Variants in SULF1 observed in about 807,000 individuals in gnomAD.
SULF1 encodes the protein sulfatase 1.
In SULF1, 46 loss-of-function variants were observed where a neutral mutation model predicts 110.5. The observed-to-expected ratio is 0.42, with a 90% confidence interval of 0.33 to 0.53. SULF1 has a LOEUF of 0.53. Ranked by LOEUF, SULF1 falls within the 20% of genes least tolerant of loss-of-function variation. The probability of loss-of-function intolerance (pLI) is 0.12; values close to 1 mark genes in which losing one functional copy is unlikely to be tolerated. For missense variants in SULF1, 941 were observed against 1,094.2 expected (o/e 0.86, Z 1.98); for synonymous variants, 371 against 387.1 (o/e 0.96, Z 0.49).
At chr8:69,583,273 T>C (rs1259349591) in intron 6 of SULF1, among the ~76,000 whole-genome samples, 7 of 152,032 alleles carry the variant, frequency 4.6e-5, no homozygotes, top group Non-Finnish European at 7.4e-5. Flanking sequence ...TTAAAAAATA[T>C]GATGATTTGA....
intron 3 of SULF1, among the ~76,000 whole-genome samples, chr8:69,528,795 TTTGTTG>T (rs541688520): frequency 4.5e-4 from 68 of 151,756 alleles, no homozygotes; most frequent in African/African-American, 1.5e-3. Context: ...CCACAGTGGG[TTTGTTG>T]TTGTTGTTGT....
chr8:69,643,426 A>AAC (rs1811642317), intron 22 of SULF1, among the ~76,000 whole-genome samples: 1 of 152,222 alleles, frequency 6.6e-6, no homozygotes, highest in South Asian at 2.1e-4. Context: ...AAAAAAAAAA[A>AAC]AACAAGTTTT....
At chr8:69,656,642 G>A (rs1369859805) in intron 22 of SULF1, among the ~76,000 whole-genome samples, 6 of 152,160 alleles carry the variant, frequency 3.9e-5, no homozygotes, top group African/African-American at 1.4e-4. Context: ...TCCCTGAATA[G>A]GAAATGATCT....
chr8:69,501,060 A>G (rs1171359929), intron 2 of SULF1, among the ~76,000 whole-genome samples: 1 of 152,210 alleles, frequency 6.6e-6, no homozygotes, highest in East Asian at 1.9e-4. Flanking sequence ...CCATATGTAT[A>G]CGAAGGTACA....
At chr8:69,493,448 T>TACAC (rs56867664) in intron 1 of SULF1, among the ~76,000 whole-genome samples, 3,153 of 144,306 alleles carry the variant, frequency 0.022, 50 homozygotes, top group African/African-American at 0.035. Flanking sequence ...CACACAACAC[T>TACAC]ACACACACAC....
At position 69,589,160 on chromosome 8, in the gene SULF1, T is replaced by A. The variant is rs1481632361; in HGVS notation, c.734+19T>A. ...AACACATGTAAGTAACAAACTCAACTCTGCGACCTGCCGAACATGCCTTTC... is the reference window on the plus strand; with the variant it reads ...AACACATGTAAGTAACAAACTCAACACTGCGACCTGCCGAACATGCCTTTC... On this transcript the variant is annotated intron_variant, in intron 8 of 22. Transcript: ENST00000402687. 6.2e-7 allele frequency: 1 copy of A among 1,606,924 alleles called. No individual in the cohort carries two copies. The highest frequency in any genetic ancestry group is 1.3e-5 in the African/African-American group (1 of 74,762).
Position 69,576,086 on chromosome 8 carries a change from G to A in SULF1, c.289G>A (p.Gly97Arg). 2.5e-6 allele frequency: 4 copies of A among 1,614,138 alleles called. No homozygotes were observed. The highest frequency in any genetic ancestry group is 3.4e-6 in the Non-Finnish European group (4 of 1,180,022). The change falls in exon 6 of 23, where the codon GGG becomes AGG. Residue 97 changes from glycine to arginine, a missense_variant. Gly to Arg is a moderately radical substitution (Grantham distance 125). Transcript: ENST00000402687. The part of the protein sequence containing the change: ...CCPSRSSMLT[G>R]KYVHNHNVYT... ...CCCGTCACGGTCCTCCATGCTCACC[G>A]GGAAGTATGTGCACAATCACAATGT... is the stretch of plus-strand genomic sequence containing the variant.
At chr8:69,506,341 C>G (rs1811196813) in intron 3 of SULF1, among the ~76,000 whole-genome samples, 1 of 152,168 alleles carries the variant, frequency 6.6e-6, no homozygotes, top group South Asian at 2.1e-4. Flanking sequence ...CTGCACCATC[C>G]TCTTATCCCT....
rs941145216 is a variant in SULF1, at chr8:69,601,945, G to A, written c.1061+116G>A. ...TCATCCAAAACAAAAAAGGATGTGT[G>A]TAGGCTGGTTAATTTCGAAGATGAA... On this transcript the variant is annotated intron_variant, in intron 10 of 22. Coordinates refer to ENST00000402687, the MANE Select transcript of SULF1 (RefSeq NM_001128205.2). 42 of 1,069,124 alleles carry A rather than the reference G, an allele frequency of 3.9e-5. No individual in the cohort carries two copies. The African/African-American group carries it at 6.6e-4, about 17-fold the overall frequency. The allele number at this position is 1,069,124 out of a possible 1,614,324, so 66.2% of individuals were successfully genotyped here.
At position 69,603,174 on chromosome 8, in the gene SULF1, C is replaced by T. The variant is rs1807968310; in HGVS notation, c.1062-18C>T. On this transcript the variant is annotated intron_variant, in intron 10 of 22. Transcript: ENST00000402687. ...CCCTGGCATTGGATCTCAGCCATCA[C>T]CGTGTGCCCCTTTACAGAGTCCCAC... 1.2e-6 allele frequency: 2 copies of T among 1,613,852 alleles called. No individual in the cohort carries two copies. The highest frequency in any genetic ancestry group is 2.7e-5 in the African/African-American group (2 of 74,906).
At chr8:69,508,463 A>G (rs1256327920) in intron 3 of SULF1, among the ~76,000 whole-genome samples, 1 of 152,224 alleles carries the variant, frequency 6.6e-6, no homozygotes, top group East Asian at 1.9e-4. Context: ...TGTCAGCACC[A>G]TCAGAAGTTC....
At chr8:69,485,329 TG>T (rs1402966791) in intron 1 of SULF1, among the ~76,000 whole-genome samples, 1 of 152,210 alleles carries the variant, frequency 6.6e-6, no homozygotes, top group African/African-American at 2.4e-5. Flanking sequence ...ACATCTTAAG[TG>T]CAGAACTTAA....
At chr8:69,602,803 A>G (rs1357398364) in intron 10 of SULF1, among the ~76,000 whole-genome samples, 2 of 152,230 alleles carry the variant, frequency 1.3e-5, no homozygotes, top group Non-Finnish European at 2.9e-5. Flanking sequence ...CATAGATTGA[A>G]TTCAACTGTA....
At chr8:69,496,884 GCTT>G (rs1810399452) in intron 2 of SULF1, among the ~76,000 whole-genome samples, 1 of 152,186 alleles carries the variant, frequency 6.6e-6, no homozygotes, top group Admixed American at 6.5e-5. Flanking sequence ...GCTGGATTTT[GCTT>G]CTTTCTGTGC....
At chr8:69,468,007 A>G (rs1298823492) in intron 1 of SULF1, among the ~76,000 whole-genome samples, 1 of 152,182 alleles carries the variant, frequency 6.6e-6, no homozygotes, top group African/African-American at 2.4e-5. Flanking sequence ...AGGCCTTTCA[A>G]TTCAGGCTCT....
At chr8:69,480,179 T>A (rs561944721) in intron 1 of SULF1, among the ~76,000 whole-genome samples, 1 of 152,176 alleles carries the variant, frequency 6.6e-6, no homozygotes, top group South Asian at 2.1e-4. Flanking sequence ...CTGTTGATGA[T>A]GACAATATTA....
chr8:69,638,305 TCCCA>T, intron 19 of SULF1, 193 bp from the exon 20 acceptor site: 1 of 632,072 alleles, frequency 1.6e-6, no homozygotes, highest in Non-Finnish European at 2.7e-6. Flanking sequence ...CTATCTTTTT[TCCCA>T]TTTTCACCTA....
At chr8:69,560,015 G>T (rs1464395028) in intron 3 of SULF1, among the ~76,000 whole-genome samples, 2 of 152,184 alleles carry the variant, frequency 1.3e-5, no homozygotes, top group Non-Finnish European at 2.9e-5. Flanking sequence ...TCAGCGCAGT[G>T]AAGAAAGCAA....
intron 1 of SULF1, among the ~76,000 whole-genome samples, chr8:69,474,882 C>T (rs979761787): frequency 1.3e-5 from 2 of 152,102 alleles, no homozygotes; most frequent in Non-Finnish European, 2.9e-5. Context: ...GAATATAGAA[C>T]AGAGAAACTG....
Sources: gnomAD v4.1 joint callset for allele counts (sites outside exome capture counted in the v4.1 genomes callset) on GRCh38, gnomAD v4.1.1 for gene constraint, MANE v1.5 for transcripts, NCBI Gene and HGNC (gene_info 2026-07-23, HGNC 2026-07-21) for gene names.